Variants in ZZZ3 observed in about 807,000 individuals in gnomAD.
The protein encoded by ZZZ3 is zinc finger ZZ-type containing 3, also known as ZZ-type zinc finger-containing protein 3.
In ZZZ3, 22 loss-of-function variants were observed where a neutral mutation model predicts 95.2. The ratio of observed to expected loss-of-function variants is 0.23; its 90% CI spans 0.17 to 0.33. ZZZ3 has a LOEUF of 0.33. Among genes scored for constraint, ZZZ3 ranks in the 10% least tolerant of loss-of-function variants. The pLI is 1.00. For synonymous variants in ZZZ3, 335 were observed against 358.9 expected (o/e 0.93, Z 0.75); for missense variants, 885 against 1,066.5 (o/e 0.83, Z 2.37).
At chr1:77,586,075 T>A (rs1663050287) in intron 5 of ZZZ3, among the ~76,000 whole-genome samples, 1 of 152,230 alleles carries the variant, frequency 6.6e-6, no homozygotes, top group Non-Finnish European at 1.5e-5. Context: ...AGGGTAAATC[T>A]AAATTCACTT....
At chr1:77,673,442 C>A (rs1671965085) in intron 1 of ZZZ3, among the ~76,000 whole-genome samples, 1 of 152,038 alleles carries the variant, frequency 6.6e-6, no homozygotes, top group South Asian at 2.1e-4. Context: ...ACTAAAAATA[C>A]AAAAATTAGC....
chr1:77,590,295 AC>A (rs1263263392), intron 5 of ZZZ3, among the ~76,000 whole-genome samples: 1 of 152,002 alleles, frequency 6.6e-6, no homozygotes, highest in Non-Finnish European at 1.5e-5. Flanking sequence ...AACTGCTTGA[AC>A]CCGGGAGGTA....
intron 5 of ZZZ3, among the ~76,000 whole-genome samples, chr1:77,592,581 C>T (rs1278190168): frequency 1.3e-5 from 2 of 152,000 alleles, no homozygotes; most frequent in African/African-American, 4.8e-5. Flanking sequence ...GGATTACAGG[C>T]GTGAACAACC....
At position 77,632,201 on chromosome 1, in the gene ZZZ3, G is replaced by A; in HGVS notation, c.1154C>T (p.Ala385Val). Residue 385 changes from alanine to valine, a missense_variant, in exon 5 of 15, where the codon GCA becomes GTA. Transcript: ENST00000370801. ...RYTLRTSPRR[A>V]APTRGSPTKN... Reference sequence around the variant, plus strand: ...AGTGGGACTACCTCTGGTAGGGGCTGCCCTTCGTGGTGAGGTTCTCAGAGT... The same window carrying A: ...AGTGGGACTACCTCTGGTAGGGGCTACCCTTCGTGGTGAGGTTCTCAGAGT... The A allele has an allele frequency of 1.9e-6, 3 of 1,614,002 alleles. No individual in the cohort carries two copies. Among genetic ancestry groups the A allele is most frequent in the Non-Finnish European group, 2.5e-6 (3 of 1,180,010 alleles).
intron 1 of ZZZ3, among the ~76,000 whole-genome samples, chr1:77,647,303 G>A (rs1425486702): frequency 6.6e-6 from 1 of 152,174 alleles, no homozygotes; most frequent in African/African-American, 2.4e-5. Flanking sequence ...CAGATCACTT[G>A]AGGCCAGGGG....
chr1:77,635,128 C>G (rs1485938256), intron 4 of ZZZ3, among the ~76,000 whole-genome samples: 1 of 152,158 alleles, frequency 6.6e-6, no homozygotes, highest in African/African-American at 2.4e-5. Flanking sequence ...GAAGACACAG[C>G]AACATGCTAC....
chr1:77,659,280 T>G (rs2101005479), intron 1 of ZZZ3, among the ~76,000 whole-genome samples: 1 of 152,330 alleles, frequency 6.6e-6, no homozygotes, highest in East Asian at 1.9e-4. Context: ...GTTTTAATAT[T>G]ACTAATGAAA....
At chr1:77,629,456 A>T (rs757421590) in intron 5 of ZZZ3, among the ~76,000 whole-genome samples, 4 of 152,108 alleles carry the variant, frequency 2.6e-5, no homozygotes, top group Non-Finnish European at 5.9e-5. Context: ...TGTCTCAATT[A>T]AAATTACAAA....
intron 8 of ZZZ3, among the ~76,000 whole-genome samples, chr1:77,581,314 A>T (rs1662498334): frequency 6.6e-6 from 1 of 152,052 alleles, no homozygotes; most frequent in South Asian, 2.1e-4. Context: ...TTCATTTTTT[A>T]AAAAAGGGAA....
chr1:77,601,184 G>A (rs1664695177), intron 5 of ZZZ3, among the ~76,000 whole-genome samples: 1 of 152,108 alleles, frequency 6.6e-6, no homozygotes, highest in Non-Finnish European at 1.5e-5. Flanking sequence ...TGACTGTCTA[G>A]ACAAAAATAA....
rs1163404172 is a variant in ZZZ3, at chr1:77,633,165, T to C, written c.190A>G (p.Asn64Asp). 6.2e-7 allele frequency: 1 copy of C among 1,614,036 alleles called. No individual in the cohort carries two copies. The highest frequency in any genetic ancestry group is 8.5e-7 in the Non-Finnish European group (1 of 1,180,002). ...TTTAAATCAGTGGTTCTCCCATTAT[T>C]ATTTCCTTTCTGAATTGGCACAGGC... ...PEPVPIQKGNNNGRTTDLKQQ... is the reference protein window; with the variant it reads ...PEPVPIQKGNDNGRTTDLKQQ... The change falls in exon 5 of 15, where the codon AAT (asparagine) becomes GAT (aspartate). Residue 64 changes from asparagine to aspartate, a missense_variant. Physicochemically the swap from Asn to Asp is conservative, Grantham distance 23. Transcript: ENST00000370801.
At chr1:77,639,315 A>C in intron 4 of ZZZ3, 134 bp downstream of exon 4, 1 of 602,552 alleles carries the variant, frequency 1.7e-6, no homozygotes, top group Non-Finnish European at 2.6e-6. Flanking sequence ...ATACTCCTAT[A>C]AACAGCCAGC....
At chr1:77,583,936 A>C (rs1662799813) in intron 6 of ZZZ3, among the ~76,000 whole-genome samples, 1 of 152,230 alleles carries the variant, frequency 6.6e-6, no homozygotes, top group South Asian at 2.1e-4. Flanking sequence ...ATTAAACACG[A>C]AAGTTCTGTT....
chr1:77,610,630 TTATCCC>T (rs980750227), intron 5 of ZZZ3, among the ~76,000 whole-genome samples: 41 of 152,040 alleles, frequency 2.7e-4, no homozygotes, highest in Admixed American at 2.4e-3. Context: ...CAATTAGGAC[TTATCCC>T]TGGGATGAAA....
At chr1:77,615,084 CTT>C (rs371090526) in intron 5 of ZZZ3, 20 of 152,336 alleles carry the variant, frequency 1.3e-4, no homozygotes, top group African/African-American at 4.8e-4. Context: ...ACTGCTCACT[CTT>C]TTCTCTATGC....
At chr1:77,618,441 C>T (rs1666540734) in intron 5 of ZZZ3, among the ~76,000 whole-genome samples, 1 of 151,610 alleles carries the variant, frequency 6.6e-6, no homozygotes, top group African/African-American at 2.4e-5. Flanking sequence ...ATGCCATCTG[C>T]AAAATGAAAT....
At chr1:77,568,237 C>T in intron 13 of ZZZ3, 95 bp downstream of exon 13, 2 of 1,073,464 alleles carry the variant, frequency 1.9e-6, no homozygotes, top group South Asian at 1.5e-5. Context: ...TGAGATCACG[C>T]CACTGCACTC....
In ZZZ3 at chr1:77,641,618, T is replaced by C. The variant is rs1668784305; in HGVS notation, c.-365A>G. ...CCATGTTACACTGAGACTTCAGGTA[T>C]TATTTATTTATATGGTTGTACTAGA... On this transcript the variant is annotated 5_prime_UTR_variant, in exon 2 of 15. Coordinates refer to ENST00000370801, the MANE Select transcript of ZZZ3 (RefSeq NM_015534.6). The C allele has an allele frequency of 2.5e-6, 1 of 398,088 alleles. No individual in the cohort carries two copies. The highest frequency in any genetic ancestry group is 4.4e-5 in the Admixed American group (1 of 22,708). 24.7% of individuals were successfully genotyped at this position (398,088 alleles called of 1,614,324 possible).
intron 12 of ZZZ3, among the ~76,000 whole-genome samples, chr1:77,572,576 G>T (rs1432027432): frequency 6.6e-6 from 1 of 152,082 alleles, no homozygotes. Context: ...CTGACCTCAT[G>T]ATTCATCTGC....
Sources: gnomAD v4.1 joint callset for allele counts (sites outside exome capture counted in the v4.1 genomes callset) on GRCh38, gnomAD v4.1.1 for gene constraint, MANE v1.5 for transcripts, NCBI Gene and HGNC (gene_info 2026-07-23, HGNC 2026-07-21) for gene names.